Variants in TMEM106B observed in about 807,000 individuals in gnomAD.
The protein encoded by TMEM106B is transmembrane protein 106B.
In TMEM106B, 15 loss-of-function variants were observed where a neutral mutation model predicts 31.1. The observed-to-expected ratio is 0.48, with a 90% CI of 0.32 to 0.74. TMEM106B has a LOEUF of 0.74. Among genes scored for constraint, TMEM106B ranks in the 30% least tolerant of loss-of-function variants. TMEM106B has a pLI of 0.03. For missense variants in TMEM106B, 283 were observed against 327.3 expected (o/e 0.86, Z 1.04); for synonymous variants, 126 against 112.5 (o/e 1.12, Z -0.76).
rs1398457319 is a variant in TMEM106B at position 12,232,151 on chromosome 7, A to T, written c.*176A>T. 4.1e-6 allele frequency: 2 copies of T among 485,518 alleles called. No individual in the cohort carries two copies. Among genetic ancestry groups the T allele is most frequent in the Non-Finnish European group, 7.1e-6 (2 of 279,832 alleles). The allele number at this position is 485,518 out of a possible 1,614,324, so 30.1% of individuals were successfully genotyped here. A position where few individuals can be genotyped will look rare whatever the true frequency, so the allele number is the denominator to read the frequency against. ...TCTTGTAACTCTCCACTCTGTGTTA[A>T]TGATATATTTGTACTAGGATCTTTT... On this transcript the variant is annotated 3_prime_UTR_variant, in exon 8 of 8. Transcript: ENST00000396668.
Position 12,218,460 on chromosome 7 carries a change from C to G in TMEM106B, c.220C>G (p.Gln74Glu). The change falls in exon 3 of 8, where the codon CAA becomes GAA. Residue 74 changes from glutamine to glutamate, a missense_variant and splice_region_variant. Coordinates refer to ENST00000396668, the MANE Select transcript of TMEM106B (RefSeq NM_001134232.2). ...GAACTTACTTCTTTCACATTTAGGGCAAGAAAACCAACTGGTGGCATTGAT... is the reference window on the plus strand; with the variant it reads ...GAACTTACTTCTTTCACATTTAGGGGAAGAAAACCAACTGGTGGCATTGAT... ...CQGTGRIPRGQENQLVALIPY... is the reference protein window; with the variant it reads ...CQGTGRIPRGEENQLVALIPY... 2 of 1,611,524 alleles carry G rather than the reference C, an allele frequency of 1.2e-6. No homozygotes were observed. Among genetic ancestry groups the G allele is most frequent in the Non-Finnish European group, 1.7e-6 (2 of 1,178,690 alleles).
chr7:12,216,125 G>A (rs1303430574), intron 2 of TMEM106B, among the ~76,000 whole-genome samples: 1 of 152,074 alleles, frequency 6.6e-6, no homozygotes, highest in Non-Finnish European at 1.5e-5. Context: ...GAGTATGATG[G>A]TTTTATTTTC....
intron 4 of TMEM106B, among the ~76,000 whole-genome samples, chr7:12,228,300 T>TA (rs1781944620): frequency 6.6e-6 from 1 of 151,904 alleles, no homozygotes; most frequent in South Asian, 2.1e-4. Context: ...CATCTTTTCA[T>TA]ATCTTTCTAC....
Position 12,224,237 on chromosome 7 carries a change from T to A in TMEM106B, c.293T>A (p.Val98Glu), listed in dbSNP as rs1281627734. 6.2e-7 allele frequency: 1 copy of A among 1,613,346 alleles called. No homozygotes were observed. The highest frequency in any genetic ancestry group is 8.5e-7 in the Non-Finnish European group (1 of 1,179,526). The change falls in exon 4 of 8, where the codon GTG (valine) becomes GAG (glutamate). Residue 98 changes from valine (V) to glutamate (E), a missense_variant. Coordinates refer to ENST00000396668, the MANE Select transcript of TMEM106B (RefSeq NM_001134232.2). ...RLRPRRTKLY[V>E]MASVFVCLLL... is the part of the protein sequence containing the mutation. ...CTTTTCCTTTTCAGAAAGCTGTATG[T>A]GATGGCTTCTGTGTTTGTCTGTCTA...
At chr7:12,227,864 A>T (rs530940426) in intron 4 of TMEM106B, among the ~76,000 whole-genome samples, 1 of 151,832 alleles carries the variant, frequency 6.6e-6, no homozygotes, top group East Asian at 1.9e-4. Context: ...CTTAATTCTC[A>T]TAAGGATTTG....
Position 12,237,756 on chromosome 7 carries a change from A to C in TMEM106B, c.*5781A>C, listed in dbSNP as rs916420161. 4 of 151,962 alleles carry C rather than the reference A, an allele frequency of 2.6e-5. No individual in the cohort carries two copies. The East Asian group carries it at 7.8e-4, about 29-fold the overall frequency. The allele number at this position is 151,962 out of a possible 1,614,324, so 9.4% of individuals were successfully genotyped here. ...GAGGCCAAGGTGGGAGGATCACCTG[A>C]GCCCAGAAGTTCAAGACCAAATTGG... On this transcript the variant is annotated 3_prime_UTR_variant, in exon 8 of 8. Coordinates refer to ENST00000396668, the MANE Select transcript of TMEM106B (RefSeq NM_001134232.2).
intron 7 of TMEM106B, 62 bp from the exon 8 acceptor site, chr7:12,231,775 T>A: frequency 7.3e-7 from 1 of 1,367,500 alleles, no homozygotes; most frequent in South Asian, 1.4e-5. Flanking sequence ...TAAAGTAGTC[T>A]CACTATGGAA....
rs941606908 is a variant in TMEM106B, at chr7:12,242,717, C to T, written c.*10742C>T. 1 of 152,004 alleles carries T rather than the reference C, an allele frequency of 6.6e-6. No individual in the cohort carries two copies. Among genetic ancestry groups the T allele is most frequent in the African/African-American group, 2.4e-5 (1 of 41,380 alleles). 9.4% of individuals were successfully genotyped at this position (152,004 alleles called of 1,614,324 possible). A position where few individuals can be genotyped will look rare whatever the true frequency, so the allele number is the denominator to read the frequency against. On this transcript the variant is annotated 3_prime_UTR_variant, in exon 8 of 8. Coordinates refer to ENST00000396668, the MANE Select transcript of TMEM106B (RefSeq NM_001134232.2). ...GTCACACATACTTTCAAAACATAAC[C>T]TTCTTCAACGAGTATCTTCTTTTCC...
In TMEM106B at chr7:12,235,831, T is replaced by TA. The variant is rs1348908139; in HGVS notation, c.*3857dup. Reference sequence around the variant, plus strand: ...AAGCAATAGGAATTGAATTACAAGTTACTAGGGTTATAAGCAAAAGGTTGC... The same window carrying TA: ...AAGCAATAGGAATTGAATTACAAGTTAACTAGGGTTATAAGCAAAAGGTTGC... On this transcript the variant is annotated 3_prime_UTR_variant, in exon 8 of 8. Coordinates refer to ENST00000396668, the MANE Select transcript of TMEM106B (RefSeq NM_001134232.2). 6.6e-6 allele frequency: 1 copy of TA among 151,854 alleles called. No homozygotes were observed. The highest frequency in any genetic ancestry group is 1.5e-5 in the Non-Finnish European group (1 of 67,808). The allele number at this position is 151,854 out of a possible 1,614,324, so 9.4% of individuals were successfully genotyped here. A position where few individuals can be genotyped will look rare whatever the true frequency, so the allele number is the denominator to read the frequency against.
chr7:12,228,241 C>T (rs149578700), intron 4 of TMEM106B, among the ~76,000 whole-genome samples: 2,043 of 151,842 alleles, frequency 0.013, 49 homozygotes, highest in African/African-American at 0.046. Context: ...ATTCTTTCAT[C>T]CTTTTTTTTA....
In TMEM106B at chr7:12,231,116, G is replaced by A; in HGVS notation, c.686+1G>A. On this transcript the variant is annotated splice_donor_variant, in intron 7 of 7. Coordinates refer to ENST00000396668, the MANE Select transcript of TMEM106B (RefSeq NM_001134232.2). LOFTEE classifies it high-confidence loss of function. ...TGCATAACATAGTACTCATGATGCA[G>A]TAAGTACAAATCTTTTTTGAAAGAG... The A allele has an allele frequency of 6.3e-7, 1 of 1,596,036 alleles. No individual in the cohort carries two copies. The highest frequency in any genetic ancestry group is 1.1e-5 in the South Asian group (1 of 88,772).
chr7:12,213,377 T>G (rs1345309807), intron 1 of TMEM106B, among the ~76,000 whole-genome samples: 1 of 152,206 alleles, frequency 6.6e-6, no homozygotes, highest in Non-Finnish European at 1.5e-5. Context: ...AATTTAAGGA[T>G]GGAAAAGAGT....
chr7:12,233,235 A>ATTTGTTT lies in TMEM106B; in HGVS notation c.*1263_*1264insGTTTTTT, dbSNP rs1554310865. 1.1e-5 allele frequency: 1 copy of ATTTGTTT among 87,216 alleles called. No individual in the cohort carries two copies. The highest frequency in any genetic ancestry group is 5.3e-5 in the African/African-American group (1 of 18,758). The allele number at this position is 87,216 out of a possible 1,614,324, so 5.4% of individuals were successfully genotyped here. ...TTTTATATTTTCAGTATCATTTTTC[A>ATTTGTTT]TTTTTTTTTTTTTTTGTCTTTTCAC... is the stretch of plus-strand genomic sequence containing the variant. On this transcript the variant is annotated 3_prime_UTR_variant, in exon 8 of 8. Transcript: ENST00000396668.
At chr7:12,213,033 G>A (rs6460896) in intron 1 of TMEM106B, among the ~76,000 whole-genome samples, 76,742 of 151,954 alleles carry the variant, frequency 0.51, 20,325 homozygotes, top group African/African-American at 0.65. Context: ...TTATATGACT[G>A]TTAAGTTCTT....
chr7:12,217,926 G>T (rs1445315721), intron 2 of TMEM106B, among the ~76,000 whole-genome samples: 3 of 152,108 alleles, frequency 2.0e-5, no homozygotes, highest in East Asian at 3.9e-4. Context: ...CTTTAACATG[G>T]ATTGGGGTGA....
At chr7:12,216,674 C>T (rs1781693002) in intron 2 of TMEM106B, among the ~76,000 whole-genome samples, 1 of 152,052 alleles carries the variant, frequency 6.6e-6, no homozygotes, top group African/African-American at 2.4e-5. Context: ...AAAGAATTAA[C>T]AAAGGACCCT....
chr7:12,222,072 G>GATACTGTATACTTTA (rs1193189394), intron 3 of TMEM106B, among the ~76,000 whole-genome samples: 3 of 152,048 alleles, frequency 2.0e-5, no homozygotes, highest in Admixed American at 2.0e-4. Flanking sequence ...AATTGCTTTT[G>GATACTGTATACTTTA]TCTGTATACT....
At chr7:12,223,247 A>G (rs1389933472) in intron 3 of TMEM106B, among the ~76,000 whole-genome samples, 1 of 152,236 alleles carries the variant, frequency 6.6e-6, no homozygotes, top group Non-Finnish European at 1.5e-5. Context: ...TGTAAAAAAA[A>G]TCTTAAAAAC....
rs1394836270 is a variant in TMEM106B at position 12,242,562 on chromosome 7, G to T, written c.*10587G>T. The T allele has an allele frequency of 1.3e-5, 2 of 151,910 alleles. No homozygotes were observed. Among genetic ancestry groups the T allele is most frequent in the African/African-American group, 4.8e-5 (2 of 41,406 alleles). 9.4% of individuals were successfully genotyped at this position (151,910 alleles called of 1,614,324 possible). A position where few individuals can be genotyped will look rare whatever the true frequency, so the allele number is the denominator to read the frequency against. On this transcript the variant is annotated 3_prime_UTR_variant, in exon 8 of 8. Transcript: ENST00000396668. ...TTAAGGTTAAATCACATTTTTCACA[G>T]AGAGTGTTTTACTGAAATATAAACT...
Sources: allele counts gnomAD v4.1 joint callset (sites outside exome capture counted in the v4.1 genomes callset), GRCh38; gene constraint gnomAD v4.1.1; transcripts MANE v1.5; gene names NCBI Gene and HGNC (gene_info 2026-07-23, HGNC 2026-07-21).